Variants in DIS3L observed in about 807,000 individuals in gnomAD.
DIS3L encodes DIS3 like exosome 3'-5' exoribonuclease, also known as DIS3-like exonuclease 1.
In DIS3L, 100 loss-of-function variants were observed where a neutral mutation model predicts 120.3. The observed-to-expected ratio is 0.83, with a 90% CI of 0.71 to 0.98. DIS3L has a LOEUF of 0.98. Ranked by LOEUF, DIS3L falls within the 50% of genes least tolerant of loss-of-function variation. The pLI is 0.00. For synonymous variants in DIS3L, 426 were observed against 470.6 expected, an observed-to-expected ratio of 0.91 and a Z score of 1.23; for missense variants, 1,196 against 1,314.2, an observed-to-expected ratio of 0.91 and a Z score of 1.39.
Position 66,293,574 on chromosome 15 carries a change from C to T in DIS3L, c.-23C>T, listed in dbSNP as rs1261019884. On this transcript the variant is annotated 5_prime_UTR_variant, in exon 1 of 17. Coordinates refer to ENST00000319212, the MANE Select transcript of DIS3L (RefSeq NM_001143688.3). Reference sequence around the variant, plus strand: ...TGCCTCCGCCGCGCCCGCCACTCCGCGGCCGCCGGGAGACACGCCGCCATG... The same window carrying T: ...TGCCTCCGCCGCGCCCGCCACTCCGTGGCCGCCGGGAGACACGCCGCCATG... 3.5e-6 allele frequency: 5 copies of T among 1,416,886 alleles called. No homozygotes were observed. The highest frequency in any genetic ancestry group is 3.0e-5 in the African/African-American group (2 of 66,664). 87.8% of individuals were successfully genotyped at this position (1,416,886 alleles called of 1,614,324 possible).
At chr15:66,329,808 A>G in intron 14 of DIS3L, 1 of 933,278 alleles carries the variant, frequency 1.1e-6, no homozygotes, top group African/African-American at 1.8e-5. Context: ...GTTACTTGGG[A>G]GGCTGAGGCA....
At chr15:66,314,276 C>T (rs1242841405) in intron 6 of DIS3L, among the ~76,000 whole-genome samples, 159 bp downstream of exon 6, 1 of 151,944 alleles carries the variant, frequency 6.6e-6, no homozygotes, top group Non-Finnish European at 1.5e-5. Flanking sequence ...GTTCCCCTAG[C>T]TTTTTGTCTA....
intron 14 of DIS3L, chr15:66,330,395 C>T (rs2140416928): frequency 1.0e-6 from 1 of 985,366 alleles, no homozygotes; most frequent in East Asian, 1.1e-4. Flanking sequence ...TGTTTTGAAG[C>T]TGCTTTCTAT....
rs2092806348 is a variant in DIS3L, at chr15:66,315,301, CTTATTTTAT to C, written c.994+93_994+101del. ...TCTTTAGCAATCCAGAAATACTGCC[CTTATTTTAT>C]TTATTTATTTTATTTAAATTGACAA... is the stretch of plus-strand genomic sequence containing the variant. On this transcript the variant is annotated intron_variant, in intron 7 of 16. Coordinates refer to ENST00000319212, the MANE Select transcript of DIS3L (RefSeq NM_001143688.3). 3 of 1,236,658 alleles carry C rather than the reference CTTATTTTAT, an allele frequency of 2.4e-6. No homozygotes were observed. In the Admixed American group the frequency reaches 8.6e-5, roughly 35 times the overall value. 76.6% of individuals were successfully genotyped at this position (1,236,658 alleles called of 1,614,324 possible).
chr15:66,293,908 G>A (rs2092553159), intron 1 of DIS3L, 173 bp downstream of exon 1: 2 of 1,000,752 alleles, frequency 2.0e-6, no homozygotes, highest in Non-Finnish European at 2.4e-6. Flanking sequence ...TGGGGACCCA[G>A]CGGCCCGGGT....
In DIS3L at chr15:66,311,798, G is replaced by A. The variant is rs777625200; in HGVS notation, c.633G>A (p.Arg211=). 1 of 1,614,130 alleles carries A rather than the reference G, an allele frequency of 6.2e-7. No individual in the cohort carries two copies. The highest frequency in any genetic ancestry group is 8.5e-7 in the Non-Finnish European group (1 of 1,180,018). ...GTGATTCTATCCTTCAGTCTCGACG[G>A]GAGAGAGAGAATGAGAGTCAGGAGA... ...ELCDSILQSR[R]ERENESQESH... The change falls in exon 5 of 17, where the codon CGG becomes CGA. Residue 211 remains arginine, a synonymous_variant. Coordinates refer to ENST00000319212, the MANE Select transcript of DIS3L (RefSeq NM_001143688.3).
intron 6 of DIS3L, 142 bp from the exon 7 acceptor site, chr15:66,314,894 A>T (rs2092801209): frequency 1.2e-6 from 1 of 840,060 alleles, no homozygotes; most frequent in African/African-American, 1.7e-5. Flanking sequence ...CTGCAGAACA[A>T]AAGTTTGACT....
chr15:66,311,006 C>T (rs2092754486), intron 4 of DIS3L, among the ~76,000 whole-genome samples: 1 of 146,108 alleles, frequency 6.8e-6, no homozygotes, highest in South Asian at 2.2e-4. Context: ...CAAGATCACG[C>T]CACTTGTACT....
chr15:66,299,878 C>T (rs1185818855), intron 2 of DIS3L, among the ~76,000 whole-genome samples: 1 of 152,002 alleles, frequency 6.6e-6, no homozygotes, highest in Non-Finnish European at 1.5e-5. Flanking sequence ...CGGTGAAACC[C>T]ATCTCTACTA....
intron 6 of DIS3L, 140 bp downstream of exon 6, chr15:66,314,257 C>CG (rs369187597): frequency 2.3e-5 from 13 of 564,260 alleles, no homozygotes; most frequent in Non-Finnish European, 3.6e-5. Context: ...GAGATTGTGG[C>CG]GGGGGGTGGT....
chr15:66,301,579 C>A (rs1043989942), intron 2 of DIS3L, among the ~76,000 whole-genome samples: 2 of 152,182 alleles, frequency 1.3e-5, no homozygotes, highest in Non-Finnish European at 1.5e-5. Context: ...CCACACCTGA[C>A]CTGTACTTGA....
intron 12 of DIS3L, 164 bp downstream of exon 12, chr15:66,326,528 T>C (rs987801136): frequency 8.8e-6 from 7 of 792,712 alleles, no homozygotes; most frequent in East Asian, 2.7e-5. Flanking sequence ...TTCATTGTTA[T>C]GTATAGAGAC....
intron 2 of DIS3L, among the ~76,000 whole-genome samples, chr15:66,296,512 C>CTT (rs3082898): frequency 3.0e-5 from 4 of 133,880 alleles, no homozygotes; most frequent in African/African-American, 5.6e-5. Context: ...AAAAAGAAGT[C>CTT]TTTTTTTTTT....
chr15:66,318,587 G>A lies in DIS3L; in HGVS notation c.1133G>A (p.Arg378Gln), dbSNP rs756223198. 14 of 1,613,952 alleles carry A rather than the reference G, an allele frequency of 8.7e-6. No individual in the cohort carries two copies. In the South Asian group the frequency reaches 1.1e-4, roughly 13 times the overall value. ...TPWDYRIPKI[R>Q]ISTQQAETLQ... ...TGGGATTACAGAATTCCCAAAATTCGAATTAGCACTCAGCAAGCAGAAACC... is the reference window on the plus strand; with the variant it reads ...TGGGATTACAGAATTCCCAAAATTCAAATTAGCACTCAGCAAGCAGAAACC... Residue 378 changes from arginine (R) to glutamine (Q), a missense_variant, in exon 8 of 17, where the codon CGA becomes CAA. Arg to Gln is a conservative substitution (Grantham distance 43). Coordinates refer to ENST00000319212, the MANE Select transcript of DIS3L (RefSeq NM_001143688.3).
At chr15:66,304,204 A>G (rs1364764305) in intron 2 of DIS3L, among the ~76,000 whole-genome samples, 1 of 151,530 alleles carries the variant, frequency 6.6e-6, no homozygotes, top group Non-Finnish European at 1.5e-5. Flanking sequence ...TAATCCCAAC[A>G]CTTTGGGAGG....
rs777614247 is a variant in DIS3L at position 66,331,962 on chromosome 15, A to G, written c.2623A>G (p.Ile875Val). Reference sequence around the variant, plus strand: ...AGACCCTGCCACCGAGGAGCGTTGCATATCTGACGGAGTTATTTATTCAAT... The same window carrying G: ...AGACCCTGCCACCGAGGAGCGTTGCGTATCTGACGGAGTTATTTATTCAAT... ...DKDPATEERC[I>V]SDGVIYSIRT... The change falls in exon 15 of 17, where the codon ATA becomes GTA. Residue 875 changes from isoleucine (I) to valine (V), a missense_variant. Transcript: ENST00000319212. 23 of 1,613,360 alleles carry G rather than the reference A, an allele frequency of 1.4e-5. No homozygotes were observed. In the African/African-American group the frequency reaches 2.8e-4, roughly 20 times the overall value.
In DIS3L at chr15:66,318,477, C is replaced by T; in HGVS notation, c.1023C>T (p.Asn341=). The change falls in exon 8 of 17, where the codon AAC becomes AAT. Residue 341 remains asparagine (N), a synonymous_variant. Coordinates refer to ENST00000319212, the MANE Select transcript of DIS3L (RefSeq NM_001143688.3). The part of the protein sequence containing the change: ...TGRVVGILQK[N]WRDYVVTFPS... Reference sequence around the variant, plus strand: ...GAGTGGTGGGCATACTTCAGAAGAACTGGCGGGATTATGTGGTGACATTTC... The same window carrying T: ...GAGTGGTGGGCATACTTCAGAAGAATTGGCGGGATTATGTGGTGACATTTC... 2 of 1,614,012 alleles carry T rather than the reference C, an allele frequency of 1.2e-6. No individual in the cohort carries two copies.
intron 14 of DIS3L, chr15:66,330,482 C>T: frequency 1.0e-6 from 1 of 985,408 alleles, no homozygotes; most frequent in Non-Finnish European, 1.2e-6. Context: ...AAATTGGAAA[C>T]TACCTAAATG....
In DIS3L at chr15:66,329,653, GAC is replaced by G. The variant is rs965741522; in HGVS notation, c.2535+256_2535+257del. On this transcript the variant is annotated intron_variant, in intron 14 of 16. Transcript: ENST00000319212. ...TTCAAGCAACGCATAAAGATATGAT[GAC>G]AGAGGCCAGACGTGGTGGCTCACTT... The G allele has an allele frequency of 5.2e-6, 6 of 1,151,724 alleles. No homozygotes were observed. In the African/African-American group the frequency reaches 8.1e-5, roughly 16 times the overall value. The allele number at this position is 1,151,724 out of a possible 1,614,324, so 71.3% of individuals were successfully genotyped here.
Sources: allele counts gnomAD v4.1 joint callset (sites outside exome capture counted in the v4.1 genomes callset), GRCh38; gene constraint gnomAD v4.1.1; transcripts MANE v1.5; gene names NCBI Gene and HGNC (gene_info 2026-07-23, HGNC 2026-07-21).